The following CREBRF variants were observed in gnomAD, a reference collection of about 807,000 sequenced individuals.
CREBRF encodes UPF0474 protein C5orf41.
Under a neutral mutation model 66.1 loss-of-function variants are expected in CREBRF, and 5 were observed. The ratio of observed to expected loss-of-function variants is 0.08; its 90% CI spans 0.04 to 0.16. CREBRF has a LOEUF of 0.16. Among genes scored for constraint, CREBRF ranks in the 10% least tolerant of loss-of-function variants. CREBRF has a pLI of 1.00. For missense variants in CREBRF, 531 were observed against 744.9 expected (o/e 0.71, Z 3.34); for synonymous variants, 229 against 264.4 (o/e 0.87, Z 1.30).
At chr5:173,099,139 C>T (rs1164222591) in intron 4 of CREBRF, among the ~76,000 whole-genome samples, 1 of 152,104 alleles carries the variant, frequency 6.6e-6, no homozygotes, top group African/African-American at 2.4e-5. Context: ...TTCATTTCTT[C>T]ACTTATGGCT....
rs1759550809 is a variant in CREBRF at position 173,134,822 on chromosome 5, A to G, written c.*1077A>G. On this transcript the variant is annotated 3_prime_UTR_variant, in exon 9 of 9. Transcript: ENST00000296953. ...TGAATTTTATTTCTGTTTGGGTCCA[A>G]TTATCTACAGAAGGAGCATCCATAC... 1 of 152,504 alleles carries G rather than the reference A, an allele frequency of 6.6e-6. No individual in the cohort carries two copies. The highest frequency in any genetic ancestry group is 2.1e-4 in the South Asian group (1 of 4,834). 9.4% of individuals were successfully genotyped at this position (152,504 alleles called of 1,614,324 possible). A position where few individuals can be genotyped will look rare whatever the true frequency, so the allele number is the denominator to read the frequency against.
At chr5:173,070,907 G>C (rs762511915) in intron 1 of CREBRF, among the ~76,000 whole-genome samples, 4 of 152,054 alleles carry the variant, frequency 2.6e-5, no homozygotes, top group Non-Finnish European at 5.9e-5. Context: ...TTCATTTTCA[G>C]CCATCTCTTG....
intron 3 of CREBRF, among the ~76,000 whole-genome samples, chr5:173,088,176 G>A (rs72816115): frequency 0.093 from 14,077 of 151,116 alleles, 777 homozygotes; most frequent in South Asian, 0.16. Flanking sequence ...TGGAGAGATG[G>A]TCATAGCCAC....
chr5:173,110,188 G>T, intron 5 of CREBRF: 1 of 371,608 alleles, frequency 2.7e-6, no homozygotes, highest in Non-Finnish European at 5.2e-6. Flanking sequence ...GTGTTTAGTT[G>T]AACTCATACT....
At chr5:173,132,889 C>A (rs1013058571) in intron 8 of CREBRF, among the ~76,000 whole-genome samples, 1 of 151,790 alleles carries the variant, frequency 6.6e-6, no homozygotes, top group Non-Finnish European at 1.5e-5. Context: ...CCTGCCTCAG[C>A]CTCCCAAAGT....
chr5:173,081,518 A>G (rs1168310954), intron 2 of CREBRF, among the ~76,000 whole-genome samples: 1 of 152,174 alleles, frequency 6.6e-6, no homozygotes, highest in Non-Finnish European at 1.5e-5. Context: ...TTGTGTTGCC[A>G]TACTGAGCTA....
intron 1 of CREBRF, among the ~76,000 whole-genome samples, chr5:173,061,326 T>G (rs1172777557): frequency 6.6e-6 from 1 of 152,310 alleles, no homozygotes; most frequent in East Asian, 1.9e-4. Flanking sequence ...AATAGACACT[T>G]TAGGTACATT....
At chr5:173,064,135 C>T (rs1301268958) in intron 1 of CREBRF, among the ~76,000 whole-genome samples, 1 of 151,488 alleles carries the variant, frequency 6.6e-6, no homozygotes, top group Non-Finnish European at 1.5e-5. Context: ...AATATTTTGT[C>T]CTGAGGGTTT....
intron 1 of CREBRF, among the ~76,000 whole-genome samples, 196 bp downstream of exon 1, chr5:173,056,675 G>T (rs984728842): frequency 1.3e-5 from 2 of 152,032 alleles, no homozygotes; most frequent in Non-Finnish European, 2.9e-5. Context: ...GGTCACGGGG[G>T]CTCCGCTCCC....
intron 2 of CREBRF, among the ~76,000 whole-genome samples, chr5:173,081,569 T>G (rs900594523): frequency 6.6e-6 from 1 of 152,082 alleles, no homozygotes; most frequent in Non-Finnish European, 1.5e-5. Flanking sequence ...TGGGATTGTC[T>G]GGTGACTCGG....
intron 1 of CREBRF, among the ~76,000 whole-genome samples, chr5:173,074,998 G>C (rs1020392661): frequency 6.6e-6 from 1 of 152,158 alleles, no homozygotes; most frequent in East Asian, 1.9e-4. Flanking sequence ...AGTTTGCAAG[G>C]TGGTATGGCA....
rs1309209926 is a variant in CREBRF, at chr5:173,137,429, A to C, written c.*3684A>C. 1.3e-5 allele frequency: 2 copies of C among 152,024 alleles called. No individual in the cohort carries two copies. The highest frequency in any genetic ancestry group is 2.9e-5 in the Non-Finnish European group (2 of 67,928). 9.4% of individuals were successfully genotyped at this position (152,024 alleles called of 1,614,324 possible). A position where few individuals can be genotyped will look rare whatever the true frequency, so the allele number is the denominator to read the frequency against. On this transcript the variant is annotated 3_prime_UTR_variant, in exon 9 of 9. Coordinates refer to ENST00000296953, the MANE Select transcript of CREBRF (RefSeq NM_153607.3). ...GAAAGATTAGCAGTAATTTCACTAC[A>C]TCCCTTTTCTCTGACTTTCATGCAT... is the stretch of plus-strand genomic sequence containing the variant.
chr5:173,129,617 C>T (rs1014540478), intron 8 of CREBRF, among the ~76,000 whole-genome samples: 1 of 150,594 alleles, frequency 6.6e-6, no homozygotes, highest in African/African-American at 2.4e-5. Context: ...CCCAGCTTCT[C>T]AGGAGACTGA....
intron 7 of CREBRF, among the ~76,000 whole-genome samples, chr5:173,117,650 CT>C (rs1230417334): frequency 6.7e-5 from 8 of 119,540 alleles, no homozygotes; most frequent in Admixed American, 8.9e-5. Flanking sequence ...TCTCTCCTCT[CT>C]CTCTCTCTCT....
At chr5:173,109,637 T>C (rs1195224486) in intron 5 of CREBRF, 2 of 152,146 alleles carry the variant, frequency 1.3e-5, no homozygotes, top group Non-Finnish European at 2.9e-5. Context: ...ATACAAAGTC[T>C]TTACTGAAAA....
At chr5:173,084,765 C>T (rs559771543) in intron 2 of CREBRF, among the ~76,000 whole-genome samples, 31 of 152,184 alleles carry the variant, frequency 2.0e-4, no homozygotes, top group South Asian at 1.2e-3. Context: ...CCTCAGTCTC[C>T]GGAGTAGCTA....
At chr5:173,116,822 T>C (rs1223824135) in intron 7 of CREBRF, among the ~76,000 whole-genome samples, 1 of 152,234 alleles carries the variant, frequency 6.6e-6, no homozygotes, top group Non-Finnish European at 1.5e-5. Flanking sequence ...CCCAACTGAC[T>C]GTGCCATTTT....
chr5:173,056,602 CGGGGCG>C, intron 1 of CREBRF, 123 bp downstream of exon 1: 1 of 389,776 alleles, frequency 2.6e-6, no homozygotes, highest in Non-Finnish European at 4.5e-6. Flanking sequence ...CGGGCCGGCG[CGGGGCG>C]GGGGCCGGGA....
At chr5:173,130,896 A>G (rs1032267985) in intron 8 of CREBRF, among the ~76,000 whole-genome samples, 4 of 152,220 alleles carry the variant, frequency 2.6e-5, no homozygotes, top group East Asian at 1.9e-4. Flanking sequence ...TAGTAGAGAC[A>G]GGGTTTCACC....
Sources: gnomAD v4.1 joint callset for allele counts (sites outside exome capture counted in the v4.1 genomes callset) on GRCh38, gnomAD v4.1.1 for gene constraint, MANE v1.5 for transcripts, NCBI Gene and HGNC (gene_info 2026-07-23, HGNC 2026-07-21) for gene names.